The following CNTNAP3B variants were observed in gnomAD, a reference collection of about 807,000 sequenced individuals.
CNTNAP3B encodes contactin associated protein family member 3B.
Under a neutral mutation model 108.9 loss-of-function variants are expected in CNTNAP3B, and 25 were observed. That is an observed-to-expected ratio of 0.23 (90% CI 0.17 to 0.32). The LOEUF (loss-of-function observed/expected upper bound fraction) is 0.32. Among genes scored for constraint, CNTNAP3B ranks in the 10% least tolerant of loss-of-function variants. The pLI is 1.00. For missense variants in CNTNAP3B, 252 were observed against 1,210.4 expected, an observed-to-expected ratio of 0.21 and a Z score of 11.75; for synonymous variants, 103 against 473.4, an observed-to-expected ratio of 0.22 and a Z score of 10.16.
chr9:42,089,843 C>T (rs1476113460), intron 2 of CNTNAP3B, among the ~76,000 whole-genome samples: 1 of 140,072 alleles, frequency 7.1e-6, no homozygotes, highest in Non-Finnish European at 1.5e-5. Flanking sequence ...CATTCCCATA[C>T]ACCAACGTTA....
At chr9:41,989,700 TCAAA>T (rs766241274) in intron 8 of CNTNAP3B, among the ~76,000 whole-genome samples, 1,794 of 126,242 alleles carry the variant, frequency 0.014, 25 homozygotes, top group East Asian at 0.052. Context: ...TTTAAAATCT[TCAAA>T]CAAACAAACA....
chr9:41,977,825 G>A (rs1489581971), intron 9 of CNTNAP3B, among the ~76,000 whole-genome samples: 2 of 135,962 alleles, frequency 1.5e-5, no homozygotes, highest in Non-Finnish European at 3.1e-5. Context: ...TAGAGACGGG[G>A]TTTCACCGTG....
chr9:41,953,522 G>A (rs1405076765), intron 12 of CNTNAP3B, 136 bp from the exon 13 acceptor site: 4 of 906,618 alleles, frequency 4.4e-6, no homozygotes, highest in Non-Finnish European at 6.7e-6. Flanking sequence ...TTGAGGAGTT[G>A]GACCTGTGTA....
rs1223385514 is a variant in CNTNAP3B at position 42,056,626 on chromosome 9, G to A, written c.390+20243C>T. Among the ~76,000 whole-genome samples, 6 of 137,898 alleles carry A rather than the reference G, an allele frequency of 4.4e-5. 1 individual carries two copies. The highest frequency in any genetic ancestry group is 2.2e-4 in the Admixed American group (3 of 13,806). 90.5% of individuals were successfully genotyped at this position (137,898 alleles called of 152,430 possible). ...CGGCCTTCCAAAGTGCTGGGATTAC[G>A]GGTGTGAGCCACCGCGCCAAGCATT... On this transcript the variant is annotated intron_variant, in intron 3 of 23. Transcript: ENST00000377561.
intron 13 of CNTNAP3B, among the ~76,000 whole-genome samples, chr9:41,943,501 T>C (rs1420027873): frequency 6.6e-6 from 1 of 151,956 alleles, no homozygotes; most frequent in East Asian, 1.9e-4. Context: ...TACAGGCGCC[T>C]GCCACCACGC....
At chr9:42,026,891 C>T (rs1826422114) in intron 3 of CNTNAP3B, among the ~76,000 whole-genome samples, 1 of 124,590 alleles carries the variant, frequency 8.0e-6, no homozygotes, top group African/African-American at 3.4e-5. Flanking sequence ...TTTAAGCAAA[C>T]AGTCGGGGTC....
At chr9:41,963,356 A>G (rs1477072316) in intron 11 of CNTNAP3B, among the ~76,000 whole-genome samples, 1 of 152,016 alleles carries the variant, frequency 6.6e-6, no homozygotes, top group Non-Finnish European at 1.5e-5. Flanking sequence ...GATATACAGA[A>G]AGAAAACTCT....
At chr9:41,988,135 A>C (rs904136104) in intron 8 of CNTNAP3B, among the ~76,000 whole-genome samples, 5 of 100,356 alleles carry the variant, frequency 5.0e-5, no homozygotes, top group African/African-American at 1.9e-4. Flanking sequence ...CTTTAAAATC[A>C]ACCAAGATTC....
chr9:41,961,414 G>A (rs1202638728), intron 11 of CNTNAP3B, among the ~76,000 whole-genome samples: 2 of 152,420 alleles, frequency 1.3e-5, no homozygotes, highest in South Asian at 2.1e-4. Flanking sequence ...TGCTATTGAA[G>A]CATGGTTCTT....
At chr9:41,934,128 C>CATATATATATATATATATATAT (rs1393370310) in intron 14 of CNTNAP3B, among the ~76,000 whole-genome samples, 1 of 19,426 alleles carries the variant, frequency 5.1e-5, no homozygotes, top group African/African-American at 2.3e-4. Context: ...TATATACACA[C>CATATATATATATATATATATAT]ACATATATAT....
At chr9:42,114,985 T>G (rs1298730992) in intron 1 of CNTNAP3B, among the ~76,000 whole-genome samples, 2 of 134,158 alleles carry the variant, frequency 1.5e-5, no homozygotes, top group Non-Finnish European at 3.1e-5. Context: ...ACCCGGGAGG[T>G]GGAGGTTGCA....
At chr9:41,924,647 A>ACG (rs1823760323) in intron 15 of CNTNAP3B, among the ~76,000 whole-genome samples, 99 of 3,466 alleles carry the variant, frequency 0.029, 1 homozygote, top group South Asian at 0.067. Context: ...TCCTTCCTGC[A>ACG]CACACACACA....
intron 1 of CNTNAP3B, among the ~76,000 whole-genome samples, chr9:42,120,325 A>G (rs1424448909): frequency 7.0e-6 from 1 of 142,710 alleles, no homozygotes; most frequent in Non-Finnish European, 1.5e-5. Context: ...AGGAAACAAC[A>G]GGTGCTGGAG....
rs1322389995 is a variant in CNTNAP3B at position 42,075,384 on chromosome 9, G to C, written c.390+1485C>G. Among the ~76,000 whole-genome samples, 3 of 140,212 alleles carry C rather than the reference G, an allele frequency of 2.1e-5. 1 individual carries two copies. Among genetic ancestry groups the C allele is most frequent in the Non-Finnish European group, 4.6e-5 (3 of 65,200 alleles). 92.0% of individuals were successfully genotyped at this position (140,212 alleles called of 152,430 possible). ...AAGGCAGGCACAGTGACTTTGAAAG[G>C]AAGCTCACACTGTGAGCGGGCACCA... On this transcript the variant is annotated intron_variant, in intron 3 of 23. Coordinates refer to ENST00000377561, the MANE Select transcript of CNTNAP3B (RefSeq NM_001201380.3).
intron 18 of CNTNAP3B, among the ~76,000 whole-genome samples, chr9:41,919,659 C>G (rs1452629390): frequency 6.6e-6 from 1 of 152,184 alleles, no homozygotes; most frequent in East Asian, 1.9e-4. Flanking sequence ...GACGATTGCT[C>G]AAGCCTAGGA....
At chr9:41,942,358 C>T (rs1296480791) in intron 13 of CNTNAP3B, among the ~76,000 whole-genome samples, 4 of 152,280 alleles carry the variant, frequency 2.6e-5, no homozygotes, top group African/African-American at 7.2e-5. Flanking sequence ...AGCCTGTAAT[C>T]CCAGCATTTT....
At chr9:41,954,381 C>T (rs1221717917) in intron 12 of CNTNAP3B, among the ~76,000 whole-genome samples, 7 of 152,250 alleles carry the variant, frequency 4.6e-5, no homozygotes, top group African/African-American at 1.4e-4. Context: ...ATTTCACAGC[C>T]TTACTGTTAC....
At chr9:42,125,327 C>G (rs1828542099) in intron 1 of CNTNAP3B, among the ~76,000 whole-genome samples, 2 of 140,300 alleles carry the variant, frequency 1.4e-5, no homozygotes, top group Admixed American at 7.1e-5. Flanking sequence ...TGCTATAGGT[C>G]ACCACCAGTG....
intron 15 of CNTNAP3B, among the ~76,000 whole-genome samples, chr9:41,924,708 T>A (rs1376162972): frequency 1.3e-5 from 2 of 151,262 alleles, no homozygotes; most frequent in African/African-American, 4.9e-5. Context: ...ATTCCTTTCA[T>A]GGCAAGAACA....
Sources: gnomAD v4.1 joint callset for allele counts (sites outside exome capture counted in the v4.1 genomes callset) on GRCh38, gnomAD v4.1.1 for gene constraint, MANE v1.5 for transcripts, NCBI Gene and HGNC (gene_info 2026-07-23, HGNC 2026-07-21) for gene names.